Variants in MGAT4C observed in about 807,000 individuals in gnomAD.
The protein encoded by MGAT4C is MGAT4 family member C.
Under a neutral mutation model 40.1 loss-of-function variants are expected in MGAT4C, and 19 were observed. The observed-to-expected ratio is 0.47, with a 90% confidence interval of 0.33 to 0.70. The LOEUF (loss-of-function observed/expected upper bound fraction) is 0.70, where lower values mean the gene tolerates loss of function less well. MGAT4C is among the 30% of genes least tolerant of loss of function. The pLI is 0.02. For synonymous variants in MGAT4C, 181 were observed against 187.1 expected, an observed-to-expected ratio of 0.97 and a Z score of 0.27; for missense variants, 491 against 563.2, an observed-to-expected ratio of 0.87 and a Z score of 1.30.
intron 3 of MGAT4C, among the ~76,000 whole-genome samples, chr12:86,394,032 A>G (rs537720337): frequency 6.6e-6 from 1 of 152,282 alleles, no homozygotes; most frequent in South Asian, 2.1e-4. Flanking sequence ...TTTTGCTCCT[A>G]AACACTTCAT....
intron 2 of MGAT4C, among the ~76,000 whole-genome samples, chr12:86,662,561 C>T (rs1418187259): frequency 2.0e-5 from 3 of 152,074 alleles, no homozygotes; most frequent in African/African-American, 7.2e-5. Flanking sequence ...GTTTGAATCT[C>T]AGTTCTATTC....
At chr12:86,459,959 A>G (rs1401620180) in intron 2 of MGAT4C, among the ~76,000 whole-genome samples, 1 of 151,954 alleles carries the variant, frequency 6.6e-6, no homozygotes, top group Non-Finnish European at 1.5e-5. Flanking sequence ...CAATGTTAAC[A>G]TTTTTATTTC....
chr12:86,004,706 G>T (rs975239665), intron 2 of MGAT4C, among the ~76,000 whole-genome samples: 2 of 152,126 alleles, frequency 1.3e-5, no homozygotes, highest in African/African-American at 4.8e-5. Flanking sequence ...TTGACAGTTT[G>T]TTGGTTCTTA....
chr12:86,017,138 AC>A (rs1331460400), intron 2 of MGAT4C, among the ~76,000 whole-genome samples: 2 of 152,158 alleles, frequency 1.3e-5, no homozygotes, highest in African/African-American at 2.4e-5. Flanking sequence ...TTTAAAAAAA[AC>A]GTATTATATC....
intron 2 of MGAT4C, among the ~76,000 whole-genome samples, chr12:86,580,300 C>T (rs1023101026): frequency 3.3e-5 from 5 of 151,442 alleles, no homozygotes; most frequent in African/African-American, 1.2e-4. Flanking sequence ...TCATTTAACA[C>T]ATTTTGTCTC....
intron 2 of MGAT4C, among the ~76,000 whole-genome samples, chr12:86,642,766 TTA>T (rs1322241493): frequency 3.3e-5 from 5 of 151,606 alleles, no homozygotes; most frequent in African/African-American, 1.2e-4. Context: ...ATATATATTT[TTA>T]TGTTTTTCAT....
At chr12:86,712,587 G>A (rs925318275) in intron 2 of MGAT4C, among the ~76,000 whole-genome samples, 2 of 152,054 alleles carry the variant, frequency 1.3e-5, no homozygotes, top group Non-Finnish European at 1.5e-5. Flanking sequence ...GACTCATGAC[G>A]AAACTATTAT....
At chr12:86,005,020 T>C (rs539561025) in intron 2 of MGAT4C, among the ~76,000 whole-genome samples, 29 of 152,314 alleles carry the variant, frequency 1.9e-4, no homozygotes, top group Admixed American at 9.8e-4. Flanking sequence ...AGTCGGATCA[T>C]GCCTCATGGC....
At position 86,700,162 on chromosome 12, in the gene MGAT4C, CAGACAGACAGACAGACAGATAGAT is replaced by C. The variant is rs1292216242; in HGVS notation, c.-229+27023_-229+27046del. Among the ~76,000 whole-genome samples, 166 of 41,962 alleles carry C rather than the reference CAGACAGACAGACAGACAGATAGAT, an allele frequency of 4.0e-3. 1 individual carries two copies. The highest frequency in any genetic ancestry group is 8.7e-3 in the African/African-American group (139 of 15,896). The allele number at this position is 41,962 out of a possible 152,430, so 27.5% of individuals were successfully genotyped here. A position where few individuals can be genotyped will look rare whatever the true frequency, so the allele number is the denominator to read the frequency against. On this transcript the variant is annotated intron_variant, in intron 2 of 7. Coordinates refer to the MGAT4C transcript ENST00000548651. ...ATAGACAGACAGACAGACAGACAGA[CAGACAGACAGACAGACAGATAGAT>C]AGATAGATAGATAGATAGATAGATA...
At chr12:86,326,977 AG>A (rs1954543332) in intron 4 of MGAT4C, among the ~76,000 whole-genome samples, 1 of 152,166 alleles carries the variant, frequency 6.6e-6, no homozygotes, top group African/African-American at 2.4e-5. Flanking sequence ...TTCAAATAGC[AG>A]GACACTTGTC....
intron 1 of MGAT4C, among the ~76,000 whole-genome samples, chr12:86,734,860 A>C (rs1299149893): frequency 6.6e-6 from 1 of 152,072 alleles, no homozygotes; most frequent in Non-Finnish European, 1.5e-5. Flanking sequence ...GGTAGCAAAA[A>C]GATTATGTAG....
intron 1 of MGAT4C, among the ~76,000 whole-genome samples, chr12:86,838,345 A>C (rs1378831149): frequency 1.3e-5 from 2 of 152,122 alleles, no homozygotes; most frequent in Non-Finnish European, 2.9e-5. Flanking sequence ...CAAAGTACAT[A>C]TTTTTCTTCA....
chr12:86,661,651 C>A (rs1285198206), intron 2 of MGAT4C, among the ~76,000 whole-genome samples: 2 of 152,044 alleles, frequency 1.3e-5, no homozygotes, highest in African/African-American at 4.8e-5. Flanking sequence ...CTGAAGCAAT[C>A]AAACATAAGA....
At chr12:86,276,603 G>C (rs1266936251) in intron 4 of MGAT4C, among the ~76,000 whole-genome samples, 1 of 151,900 alleles carries the variant, frequency 6.6e-6, no homozygotes, top group East Asian at 1.9e-4. Context: ...CTCAACTTCT[G>C]GAAACCATCC....
rs531845030 is a variant in MGAT4C, at chr12:86,200,250, T to C, written c.-57+55989A>G. On this transcript the variant is annotated intron_variant, in intron 1 of 4. Transcript: ENST00000611864. ...CTGAATGTATTATTGCATTGCATTT[T>C]ATGAATATACTATAATTTTTAAATC... is the stretch of plus-strand genomic sequence containing the variant. Among the ~76,000 whole-genome samples, 5 of 151,974 alleles carry C rather than the reference T, an allele frequency of 3.3e-5. No individual in the cohort carries two copies. The East Asian group carries it at 7.7e-4, about 24-fold the overall frequency.
intron 1 of MGAT4C, among the ~76,000 whole-genome samples, chr12:86,122,246 C>T (rs1348323277): frequency 1.3e-5 from 2 of 152,124 alleles, no homozygotes; most frequent in South Asian, 2.1e-4. Flanking sequence ...AAATGTATGC[C>T]TTTTTATTAG....
intron 1 of MGAT4C, among the ~76,000 whole-genome samples, chr12:86,066,642 T>G (rs182484444): frequency 1.3e-5 from 2 of 152,236 alleles, no homozygotes; most frequent in East Asian, 3.9e-4. Flanking sequence ...ATTCAGGACA[T>G]AGGCAGGGCA....
intron 2 of MGAT4C, among the ~76,000 whole-genome samples, chr12:86,015,165 G>A (rs1351024662): frequency 6.7e-6 from 1 of 150,178 alleles, no homozygotes; most frequent in Non-Finnish European, 1.5e-5. Context: ...AGTTTGTTCT[G>A]TTTTGTAATA....
chr12:86,822,428 C>T (rs1489580874), intron 1 of MGAT4C, among the ~76,000 whole-genome samples: 1 of 150,852 alleles, frequency 6.6e-6, no homozygotes, highest in Non-Finnish European at 1.5e-5. Context: ...TTAAAATAGA[C>T]CTATCTAAAT....
Sources: gnomAD v4.1 joint callset for allele counts (sites outside exome capture counted in the v4.1 genomes callset) on GRCh38, gnomAD v4.1.1 for gene constraint, MANE v1.5 for transcripts, NCBI Gene and HGNC (gene_info 2026-07-23, HGNC 2026-07-21) for gene names.